Variants in HOOK3 observed in about 807,000 individuals in gnomAD.
The protein encoded by HOOK3 is hook microtubule tethering protein 3.
A neutral mutation model predicts 116.3 loss-of-function variants in HOOK3; 24 were observed. The observed-to-expected ratio is 0.21, with a 90% CI of 0.15 to 0.29. HOOK3 has a LOEUF of 0.29. Among genes scored for constraint, HOOK3 ranks in the 10% least tolerant of loss-of-function variants. The pLI is 1.00. For missense variants in HOOK3, 632 were observed against 830.2 expected, an observed-to-expected ratio of 0.76 and a Z score of 2.93; for synonymous variants, 275 against 283.0, an observed-to-expected ratio of 0.97 and a Z score of 0.28.
At chr8:43,000,152 A>G in intron 16 of HOOK3, 2 of 614,862 alleles carry the variant, frequency 3.3e-6, no homozygotes, top group East Asian at 1.3e-4. Context: ...CGTCTGAAAA[A>G]AGAAAGTACT....
At chr8:42,938,351 A>G (rs960684637) in intron 4 of HOOK3, among the ~76,000 whole-genome samples, 8 of 151,820 alleles carry the variant, frequency 5.3e-5, no homozygotes, top group Non-Finnish European at 1.5e-5. Context: ...TCTTCATCCA[A>G]TTTGCTAGTC....
chr8:42,984,368 C>CAA (rs773025748), intron 14 of HOOK3, among the ~76,000 whole-genome samples: 18 of 121,782 alleles, frequency 1.5e-4, no homozygotes, highest in Non-Finnish European at 2.1e-4. Flanking sequence ...AACTCCATCT[C>CAA]AAAAAAAAAA....
chr8:42,943,244 C>G, intron 4 of HOOK3, 69 bp from the exon 5 acceptor site: 1 of 1,051,568 alleles, frequency 9.5e-7, no homozygotes, highest in East Asian at 2.8e-5. Flanking sequence ...TAACAAACCT[C>G]GATCAAGTTT....
chr8:42,908,470 C>G (rs957608592), intron 2 of HOOK3, among the ~76,000 whole-genome samples: 2 of 152,284 alleles, frequency 1.3e-5, no homozygotes, highest in Non-Finnish European at 2.9e-5. Context: ...ACACAATGAC[C>G]AGTGGAACAG....
At chr8:42,942,051 G>A (rs1808138237) in intron 4 of HOOK3, among the ~76,000 whole-genome samples, 1 of 152,156 alleles carries the variant, frequency 6.6e-6, no homozygotes, top group Admixed American at 6.6e-5. Flanking sequence ...TTGAGGTCAG[G>A]AGTTTGAGAC....
rs963040739 is a variant in HOOK3 at position 42,940,479 on chromosome 8, A to T, written c.268-2834A>T. The stretch of plus-strand genomic sequence containing the variant: ...CATCAGAGGGAGACCGTGGAAAGAG[A>T]GGGAGAGGGAGACCGTGGGGACAGG... On this transcript the variant is annotated intron_variant, in intron 4 of 21. Coordinates refer to ENST00000307602, the MANE Select transcript of HOOK3 (RefSeq NM_032410.4). 9.2e-5 allele frequency among the ~76,000 whole-genome samples: 14 copies of T among 152,086 alleles called. No homozygotes were observed. The East Asian group carries it at 1.2e-3, about 13-fold the overall frequency.
rs556033234 is a variant in HOOK3, at chr8:43,008,666, T to A, written c.1738+737T>A. On this transcript the variant is annotated intron_variant, in intron 18 of 21. Coordinates refer to ENST00000307602, the MANE Select transcript of HOOK3 (RefSeq NM_032410.4). Reference sequence around the variant, plus strand: ...TTTTATTTTTATTTTTATTTTTATTTTTTTTTTTTTTGAGACGGAGTCTCG... The same window carrying A: ...TTTTATTTTTATTTTTATTTTTATTATTTTTTTTTTTGAGACGGAGTCTCG... 2.4e-4 allele frequency among the ~76,000 whole-genome samples: 35 copies of A among 146,666 alleles called. No homozygotes were observed. In the East Asian group the frequency reaches 6.9e-3, roughly 29 times the overall value.
intron 2 of HOOK3, among the ~76,000 whole-genome samples, chr8:42,914,452 T>C (rs960334228): frequency 6.6e-6 from 1 of 152,200 alleles, no homozygotes; most frequent in Non-Finnish European, 1.5e-5. Flanking sequence ...TGTTTTCTAT[T>C]TACCACTATT....
chr8:42,972,027 G>A (rs2130431178), intron 11 of HOOK3, among the ~76,000 whole-genome samples: 1 of 152,270 alleles, frequency 6.6e-6, no homozygotes, highest in East Asian at 1.9e-4. Flanking sequence ...ACTTTTTTAA[G>A]TATGTATATT....
At chr8:42,971,399 T>C (rs1808725660) in intron 11 of HOOK3, among the ~76,000 whole-genome samples, 1 of 151,862 alleles carries the variant, frequency 6.6e-6, no homozygotes, top group Non-Finnish European at 1.5e-5. Context: ...CCCGAGTAGC[T>C]GGGATTACAG....
At chr8:42,921,207 T>G (rs2130350394) in intron 2 of HOOK3, among the ~76,000 whole-genome samples, 1 of 152,006 alleles carries the variant, frequency 6.6e-6, no homozygotes, top group South Asian at 2.1e-4. Context: ...AGAGAAACAC[T>G]AAATCTTTCA....
At chr8:42,984,130 G>A (rs930489935) in intron 14 of HOOK3, among the ~76,000 whole-genome samples, 3 of 152,260 alleles carry the variant, frequency 2.0e-5, no homozygotes, top group African/African-American at 7.2e-5. Context: ...CACTTTGGGA[G>A]GCCAAAGTGG....
At chr8:42,924,752 C>CA in intron 2 of HOOK3, among the ~76,000 whole-genome samples, 1 of 152,254 alleles carries the variant, frequency 6.6e-6, no homozygotes, top group East Asian at 1.9e-4. Flanking sequence ...GTGGACGAAT[C>CA]ACCTGAGGTC....
chr8:42,996,385 C>CAAAAA (rs529268164), intron 15 of HOOK3, among the ~76,000 whole-genome samples: 7 of 55,918 alleles, frequency 1.3e-4, no homozygotes, highest in African/African-American at 2.3e-4. Context: ...GACTCCGTCT[C>CAAAAA]AAAAAAAAAA....
chr8:43,002,735 G>C (rs1035783808), intron 17 of HOOK3, among the ~76,000 whole-genome samples: 3 of 152,156 alleles, frequency 2.0e-5, no homozygotes. Context: ...TTAAGAGGCA[G>C]GGTCACTATG....
chr8:43,001,991 A>T (rs1809390417), intron 16 of HOOK3, 116 bp from the exon 17 acceptor site: 4 of 670,108 alleles, frequency 6.0e-6, no homozygotes, highest in Non-Finnish European at 1.0e-5. Flanking sequence ...CTCTTTGACC[A>T]AACAAATTAC....
At chr8:42,928,898 C>T (rs1161584371) in intron 3 of HOOK3, among the ~76,000 whole-genome samples, 1 of 151,990 alleles carries the variant, frequency 6.6e-6, no homozygotes, top group African/African-American at 2.4e-5. Flanking sequence ...AAAAATTAGC[C>T]AGGTGTGGTG....
intron 1 of HOOK3, among the ~76,000 whole-genome samples, chr8:42,904,176 A>T (rs1463173149): frequency 1.3e-5 from 2 of 151,980 alleles, no homozygotes; most frequent in Admixed American, 6.5e-5. Flanking sequence ...TGGTCACCTG[A>T]GTGTTATTCC....
chr8:42,958,812 C>T (rs1808485678), intron 7 of HOOK3, among the ~76,000 whole-genome samples: 1 of 151,868 alleles, frequency 6.6e-6, no homozygotes, highest in Non-Finnish European at 1.5e-5. Context: ...CACCCCCCAG[C>T]ATAAGGTTTT....
Sources: allele counts gnomAD v4.1 joint callset (sites outside exome capture counted in the v4.1 genomes callset), GRCh38; gene constraint gnomAD v4.1.1; transcripts MANE v1.5; gene names NCBI Gene and HGNC (gene_info 2026-07-23, HGNC 2026-07-21).